SLC2A13: variants seen among roughly 807,000 people sequenced by gnomAD.
SLC2A13 encodes the protein solute carrier family 2 member 13, also known as proton myo-inositol cotransporter.
SLC2A13 carries 32 observed loss-of-function variants against 64.4 expected under a neutral mutation model. That is an observed-to-expected ratio of 0.50 (90% CI 0.37 to 0.67). The LOEUF (loss-of-function observed/expected upper bound fraction) is 0.67. SLC2A13 is among the 30% of genes least tolerant of loss of function. The pLI, the probability that SLC2A13 is intolerant of heterozygous loss-of-function variation, is 0.00. For missense variants in SLC2A13, 743 were observed against 829.2 expected, an observed-to-expected ratio of 0.90 and a Z score of 1.28; for synonymous variants, 338 against 327.1, an observed-to-expected ratio of 1.03 and a Z score of -0.36.
chr12:39,999,972 TTCTC>T (rs1326123081), intron 3 of SLC2A13, among the ~76,000 whole-genome samples: 2 of 152,220 alleles, frequency 1.3e-5, no homozygotes, highest in Non-Finnish European at 2.9e-5. Context: ...TTTGTACTCT[TTCTC>T]TTTATTTCTC....
At chr12:39,962,659 A>G (rs968644496) in intron 3 of SLC2A13, among the ~76,000 whole-genome samples, 5 of 152,210 alleles carry the variant, frequency 3.3e-5, no homozygotes, top group African/African-American at 9.7e-5. Flanking sequence ...GTGATATAAT[A>G]AAGTTTTCTC....
intron 3 of SLC2A13, among the ~76,000 whole-genome samples, chr12:40,000,025 C>A (rs917237920): frequency 6.6e-6 from 1 of 152,150 alleles, no homozygotes; most frequent in Non-Finnish European, 1.5e-5. Flanking sequence ...AGAACCTACA[C>A]TGAAATATTG....
intron 4 of SLC2A13, among the ~76,000 whole-genome samples, chr12:39,943,288 G>A (rs950752083): frequency 1.3e-5 from 2 of 152,200 alleles, no homozygotes; most frequent in Non-Finnish European, 2.9e-5. Flanking sequence ...TGCTGTGCTG[G>A]GAGATTAGCT....
intron 3 of SLC2A13, among the ~76,000 whole-genome samples, chr12:39,978,124 T>G (rs1946798139): frequency 1.3e-5 from 2 of 152,118 alleles, no homozygotes; most frequent in Non-Finnish European, 2.9e-5. Flanking sequence ...GTTGAGTGAG[T>G]GAATGAAACG....
intron 2 of SLC2A13, among the ~76,000 whole-genome samples, chr12:40,032,180 T>C (rs1406311887): frequency 6.6e-6 from 1 of 152,136 alleles, no homozygotes; most frequent in Non-Finnish European, 1.5e-5. Context: ...TAATGTGCAG[T>C]TGTGGCTGAG....
intron 4 of SLC2A13, among the ~76,000 whole-genome samples, chr12:39,931,034 T>C (rs557785991): frequency 1.3e-5 from 2 of 152,216 alleles, no homozygotes; most frequent in African/African-American, 4.8e-5. Flanking sequence ...CTAATAAATA[T>C]GTTAATAAAT....
chr12:39,882,601 G>A (rs979411278), intron 4 of SLC2A13, among the ~76,000 whole-genome samples: 3 of 152,166 alleles, frequency 2.0e-5, no homozygotes, highest in Admixed American at 6.6e-5. Flanking sequence ...CACTATCCCA[G>A]TCTATGCAGC....
rs1411382490 is a variant in SLC2A13, at chr12:39,764,471, A to C, written c.1709T>G (p.Leu570Arg). The C allele has an allele frequency of 6.3e-7, 1 of 1,585,620 alleles. No homozygotes were observed. Among genetic ancestry groups the C allele is most frequent in the Admixed American group, 2.0e-5 (1 of 51,014 alleles). The change falls in exon 9 of 10, where the codon CTT becomes CGT. Residue 570 changes from leucine to arginine, a missense_variant. Physicochemically the swap from Leu to Arg is moderately radical, Grantham distance 102. This residue lies in a region of SLC2A13 where 295 missense variants were observed against 381.7 expected (regional missense o/e 0.77). Coordinates refer to ENST00000280871, the MANE Select transcript of SLC2A13 (RefSeq NM_052885.4). ...SLTFLHTAEY[L>R]TYYGAFFLYA... ...AAATATTATCTTACCATAGTATGTA[A>C]GATACTCTGCTGTGTGTAAAAATGT...
intron 4 of SLC2A13, among the ~76,000 whole-genome samples, chr12:39,920,683 T>C (rs988223463): frequency 5.3e-5 from 8 of 152,060 alleles, no homozygotes; most frequent in Admixed American, 2.6e-4. Flanking sequence ...GGCAAAATAC[T>C]GCACTTTACC....
intron 3 of SLC2A13, among the ~76,000 whole-genome samples, chr12:40,012,155 T>C (rs1267084635): frequency 1.3e-5 from 2 of 152,242 alleles, no homozygotes; most frequent in Non-Finnish European, 2.9e-5. Context: ...AATAGTGAAT[T>C]AGTTTCTCAT....
intron 6 of SLC2A13, among the ~76,000 whole-genome samples, chr12:39,839,234 C>T (rs1566849931): frequency 6.6e-6 from 1 of 151,992 alleles, no homozygotes. Flanking sequence ...CTTGGAGCCT[C>T]GTGAAGGACA....
At chr12:39,799,509 T>C (rs1941708942) in intron 7 of SLC2A13, among the ~76,000 whole-genome samples, 1 of 151,972 alleles carries the variant, frequency 6.6e-6, no homozygotes, top group Admixed American at 6.6e-5. Context: ...AAAATAAGCT[T>C]CATTTCCCTT....
Position 39,896,478 on chromosome 12 carries a change from A to ATG in SLC2A13, c.1035-24519_1035-24518dup, listed in dbSNP as rs199781428. Among the ~76,000 whole-genome samples, 489 of 138,132 alleles carry ATG rather than the reference A, an allele frequency of 3.5e-3. 21 individuals are homozygous for ATG. Among genetic ancestry groups the ATG allele is most frequent in the African/African-American group, 9.7e-3 (344 of 35,584 alleles). The allele number at this position is 138,132 out of a possible 152,430, so 90.6% of individuals were successfully genotyped here. ...TGTATATATGTATACATATATGTAT[A>ATG]TGTGTATATATGTACACATATATGT... On this transcript the variant is annotated intron_variant, in intron 4 of 9. Coordinates refer to ENST00000280871, the MANE Select transcript of SLC2A13 (RefSeq NM_052885.4).
chr12:39,972,853 A>G (rs554698741), intron 3 of SLC2A13, among the ~76,000 whole-genome samples: 1 of 152,276 alleles, frequency 6.6e-6, no homozygotes, highest in African/African-American at 2.4e-5. Flanking sequence ...GGATCACCTG[A>G]GGTCGGGAGT....
chr12:40,066,638 TAC>T (rs1164955085), intron 1 of SLC2A13, among the ~76,000 whole-genome samples: 1 of 152,092 alleles, frequency 6.6e-6, no homozygotes, highest in East Asian at 1.9e-4. Flanking sequence ...GACAAAAAAG[TAC>T]AGTTAATAAA....
Position 39,969,491 on chromosome 12 carries a change from T to C in SLC2A13, c.926-18126A>G, listed in dbSNP as rs746497340. Among the ~76,000 whole-genome samples, 299 of 152,370 alleles carry C rather than the reference T, an allele frequency of 2.0e-3. 1 individual carries two copies. The highest frequency in any genetic ancestry group is 3.4e-3 in the Admixed American group (52 of 15,306). ...TTCCTGACTTTTTAATGATTGCCAT[T>C]CTAACTGGTGTGAGATGATATCTCA... On this transcript the variant is annotated intron_variant, in intron 3 of 9. Transcript: ENST00000280871.
intron 4 of SLC2A13, among the ~76,000 whole-genome samples, chr12:39,889,134 C>T (rs1944538806): frequency 6.6e-6 from 1 of 151,970 alleles, no homozygotes; most frequent in Non-Finnish European, 1.5e-5. Context: ...AATGTTGGCT[C>T]ATATCATATT....
At chr12:40,028,638 T>C (rs1017482652) in intron 2 of SLC2A13, 129 bp from the exon 3 acceptor site, 2 of 817,690 alleles carry the variant, frequency 2.4e-6, no homozygotes, top group Admixed American at 5.9e-5. Context: ...TTTGTGCATT[T>C]ATGTGTGTGT....
intron 6 of SLC2A13, among the ~76,000 whole-genome samples, chr12:39,852,761 T>C (rs1307550728): frequency 6.6e-6 from 1 of 152,228 alleles, no homozygotes; most frequent in Admixed American, 6.5e-5. Context: ...AAAGTACCTC[T>C]GATTGGTCCT....
Sources: allele counts gnomAD v4.1 joint callset (sites outside exome capture counted in the v4.1 genomes callset), GRCh38; gene constraint gnomAD v4.1.1; regional missense constraint gnomAD v4.1.1; transcripts MANE v1.5; gene names NCBI Gene and HGNC (gene_info 2026-07-23, HGNC 2026-07-21).